AGR3: variants seen among roughly 807,000 people sequenced by gnomAD.
The protein encoded by AGR3 is anterior gradient 3, protein disulphide isomerase family member, also known as anterior gradient protein 3.
A neutral mutation model predicts 24.5 loss-of-function variants in AGR3; 37 were observed. The observed-to-expected ratio is 1.51, with a 90% CI of 1.16 to 1.99. The LOEUF is 1.99. Ranked by LOEUF, AGR3 falls within the 30% of genes most tolerant of loss-of-function variation. AGR3 has a pLI of 0.00. For missense variants in AGR3, 228 were observed against 191.1 expected (o/e 1.19, Z -1.14); for synonymous variants, 75 against 61.6 (o/e 1.22, Z -1.02).
At chr7:16,875,443 T>C (rs1434523977) in intron 2 of AGR3, among the ~76,000 whole-genome samples, 1 of 152,188 alleles carries the variant, frequency 6.6e-6, no homozygotes, top group Non-Finnish European at 1.5e-5. Flanking sequence ...TATTATTTAA[T>C]TCATTTTTTA....
intron 3 of AGR3, among the ~76,000 whole-genome samples, chr7:16,867,824 G>A (rs1781787688): frequency 6.6e-6 from 1 of 152,120 alleles, no homozygotes; most frequent in African/African-American, 2.4e-5. Context: ...CAGTGAACAT[G>A]GGAGTGCAGA....
downstream of AGR3, among the ~76,000 whole-genome samples, chr7:16,854,917 T>C (rs1368841196): frequency 1.3e-5 from 2 of 152,178 alleles, no homozygotes; most frequent in Non-Finnish European, 2.9e-5. Context: ...AAATTTCTTC[T>C]TTATATAAGG....
intron 2 of AGR3, among the ~76,000 whole-genome samples, chr7:16,877,588 G>T (rs987238086): frequency 8.6e-5 from 13 of 151,780 alleles, no homozygotes; most frequent in African/African-American, 3.1e-4. Context: ...TCTTGGCCGG[G>T]CGCGGTGGCT....
intron 3 of AGR3, chr7:16,866,259 T>G (rs1401485674): frequency 1.9e-6 from 1 of 532,228 alleles, no homozygotes; most frequent in Non-Finnish European, 3.8e-6. Context: ...GTCAATCCAG[T>G]CTGTTACCTT....
At chr7:16,864,870 G>A in intron 3 of AGR3, 3 of 865,264 alleles carry the variant, frequency 3.5e-6, no homozygotes, top group South Asian at 1.3e-5. Flanking sequence ...AGTCACCACT[G>A]AGGATACCTG....
chr7:16,869,601 T>C (rs1781825304), intron 3 of AGR3, among the ~76,000 whole-genome samples: 1 of 151,548 alleles, frequency 6.6e-6, no homozygotes, highest in Non-Finnish European at 1.5e-5. Context: ...GTGGCACACA[T>C]TTGTAGTCCT....
Position 16,861,967 on chromosome 7 carries a change from T to C in AGR3, c.303+17A>G. The C allele has an allele frequency of 6.5e-7, 1 of 1,547,858 alleles. No individual in the cohort carries two copies. The highest frequency in any genetic ancestry group is 8.8e-7 in the Non-Finnish European group (1 of 1,133,630). ...ATGAAATTATAGTATTAAGAAAACA[T>C]CACAAAGTTTATGTACCATAAGGTT... On this transcript the variant is annotated intron_variant, in intron 5 of 7. Coordinates refer to ENST00000310398, the MANE Select transcript of AGR3 (RefSeq NM_176813.5).
chr7:16,862,661 T>C lies in AGR3; in HGVS notation c.175A>G (p.Lys59Glu), dbSNP rs1781672982. The C allele has an allele frequency of 1.3e-6, 2 of 1,548,526 alleles. No individual in the cohort carries two copies. Among genetic ancestry groups the C allele is most frequent in the Non-Finnish European group, 1.7e-6 (2 of 1,154,334 alleles). Residue 59 changes from lysine (K) to glutamate (E), a missense_variant and splice_region_variant, in exon 4 of 8, where the codon AAG (lysine) becomes GAG (glutamate). Lys to Glu is a moderately conservative substitution (Grantham distance 56, BLOSUM62 1). Transcript: ENST00000310398. The part of the protein sequence containing the change: ...EEGLFYAQKS[K>E]KPLMVIHHLE... Reference sequence around the variant, plus strand: ...TGATGAATAACCATTAATGGCTTCTTACTAAACAAAGAAAGTATGGAATTA... The same window carrying C: ...TGATGAATAACCATTAATGGCTTCTCACTAAACAAAGAAAGTATGGAATTA...
chr7:16,866,633 A>AT (rs148369978), intron 3 of AGR3, among the ~76,000 whole-genome samples: 4,549 of 152,044 alleles, frequency 0.03, 216 homozygotes, highest in African/African-American at 0.1. Context: ...ATTAGTTTAA[A>AT]TTTTTTTTAT....
intron 5 of AGR3, 23 bp from the exon 6 acceptor site, chr7:16,861,470 G>A (rs774542406): frequency 6.4e-7 from 1 of 1,568,410 alleles, no homozygotes; most frequent in Non-Finnish European, 8.7e-7. Flanking sequence ...GAAAAAAAAA[G>A]AATGTTATTG....
chr7:16,859,941 T>C (rs7793435), intron 7 of AGR3, among the ~76,000 whole-genome samples: 1 of 151,970 alleles, frequency 6.6e-6, no homozygotes, highest in African/African-American at 2.4e-5. Context: ...TTATTAAATA[T>C]AGTTGATAAT....
downstream of AGR3, among the ~76,000 whole-genome samples, chr7:16,857,129 A>C (rs1323972418): frequency 1.3e-5 from 2 of 152,096 alleles, no homozygotes; most frequent in Non-Finnish European, 2.9e-5. Flanking sequence ...AGCACATGCC[A>C]CTGCACCCAG....
At chr7:16,875,963 C>T (rs1389639700) in intron 2 of AGR3, among the ~76,000 whole-genome samples, 1 of 152,142 alleles carries the variant, frequency 6.6e-6, no homozygotes, top group Admixed American at 6.5e-5. Context: ...TTTCCCTCTT[C>T]TGTTGCAAAT....
At chr7:16,878,745 G>A in intron 1 of AGR3, 100 bp from the exon 2 acceptor site, 1 of 866,718 alleles carries the variant, frequency 1.2e-6, no homozygotes, top group East Asian at 2.5e-5. Context: ...ATGACAGACT[G>A]TTCAGCTTTT....
chr7:16,869,084 C>T (rs1049220318), intron 3 of AGR3, among the ~76,000 whole-genome samples: 1 of 152,126 alleles, frequency 6.6e-6, no homozygotes, highest in Non-Finnish European at 1.5e-5. Context: ...TAGTTCAAGT[C>T]CAATGTTTCC....
chr7:16,858,559 A>G (rs375646120), downstream of AGR3, among the ~76,000 whole-genome samples: 5 of 152,294 alleles, frequency 3.3e-5, no homozygotes, highest in South Asian at 4.1e-4. Flanking sequence ...AAAGTTTTAA[A>G]GTATCTACCC....
At chr7:16,864,771 A>G (rs1165697882) in intron 3 of AGR3, 1 of 1,104,636 alleles carries the variant, frequency 9.1e-7, no homozygotes, top group African/African-American at 1.5e-5. Context: ...CTCCTTGGCA[A>G]TGAGCATATC....
Position 16,864,978 on chromosome 7 carries a change from C to A in AGR3, c.174-2316G>T, listed in dbSNP as rs146211125. On this transcript the variant is annotated intron_variant, in intron 3 of 7. Transcript: ENST00000310398. The stretch of plus-strand genomic sequence containing the variant: ...GATATAAATTAAATAAGTCTCCTGG[C>A]ATGTGTGACATTTCTACTACCTCCT... 224 of 984,970 alleles carry A rather than the reference C, an allele frequency of 2.3e-4. 1 individual carries two copies. The African/African-American group carries it at 3.1e-3, about 14-fold the overall frequency. 61.0% of individuals were successfully genotyped at this position (984,970 alleles called of 1,614,324 possible). A position where few individuals can be genotyped will look rare whatever the true frequency, so the allele number is the denominator to read the frequency against.
intron 3 of AGR3, among the ~76,000 whole-genome samples, chr7:16,871,065 T>C (rs1781855494): frequency 6.6e-6 from 1 of 152,180 alleles, no homozygotes; most frequent in African/African-American, 2.4e-5. Context: ...CAGTGTCTGG[T>C]ACATAGCAGT....
Sources: allele counts gnomAD v4.1 joint callset (sites outside exome capture counted in the v4.1 genomes callset), GRCh38; gene constraint gnomAD v4.1.1; transcripts MANE v1.5; gene names NCBI Gene and HGNC (gene_info 2026-07-23, HGNC 2026-07-21).